ABLIM1: variants seen among roughly 807,000 people sequenced by gnomAD.
ABLIM1 encodes actin-binding LIM protein 1.
A neutral mutation model predicts 107.0 loss-of-function variants in ABLIM1; 40 were observed. The observed-to-expected ratio is 0.37, with a 90% CI of 0.29 to 0.49. The LOEUF is 0.49. ABLIM1 is among the 20% of genes least tolerant of loss of function. ABLIM1 has a pLI of 0.97. For missense variants in ABLIM1, 857 were observed against 1,008.5 expected (o/e 0.85, Z 2.04); for synonymous variants, 357 against 357.3 (o/e 1.00, Z 0.01).
At chr10:114,465,116 A>G (rs1186681251) in intron 12 of ABLIM1, among the ~76,000 whole-genome samples, 1 of 152,160 alleles carries the variant, frequency 6.6e-6, no homozygotes, top group Non-Finnish European at 1.5e-5. Flanking sequence ...AGGGTTGGAA[A>G]TGATTTTGTT....
At chr10:114,611,275 T>C (rs2076793377) in intron 1 of ABLIM1, among the ~76,000 whole-genome samples, 1 of 152,174 alleles carries the variant, frequency 6.6e-6, no homozygotes, top group Admixed American at 6.5e-5. Context: ...GAGAACAGCC[T>C]GGCCAACATG....
At chr10:114,723,106 A>G (rs1309297710) in intron 1 of ABLIM1, among the ~76,000 whole-genome samples, 3 of 152,222 alleles carry the variant, frequency 2.0e-5, no homozygotes, top group Non-Finnish European at 4.4e-5. Context: ...ATATCCACTG[A>G]ATAAATGAAT....
chr10:114,720,098 C>T (rs750817695), intron 1 of ABLIM1, among the ~76,000 whole-genome samples: 2 of 152,116 alleles, frequency 1.3e-5, no homozygotes, highest in South Asian at 2.1e-4. Flanking sequence ...TTTTCAGCTC[C>T]CATTTATAAG....
At chr10:114,455,973 C>T (rs956567555) in intron 12 of ABLIM1, among the ~76,000 whole-genome samples, 37 of 152,260 alleles carry the variant, frequency 2.4e-4, no homozygotes, top group Middle Eastern at 3.4e-3. Context: ...CCACCGCGCC[C>T]GGCTAATTTT....
At chr10:114,671,419 T>A (rs538566508) in intron 1 of ABLIM1, among the ~76,000 whole-genome samples, 26 of 152,350 alleles carry the variant, frequency 1.7e-4, no homozygotes, top group South Asian at 6.2e-4. Flanking sequence ...TGTCCATTGG[T>A]GGACATTCAT....
intron 1 of ABLIM1, among the ~76,000 whole-genome samples, chr10:114,729,582 A>T: frequency 6.6e-6 from 1 of 152,140 alleles, no homozygotes; most frequent in East Asian, 1.9e-4. Context: ...GACATAGGAA[A>T]CTGTGTGGCT....
chr10:114,632,623 G>C, intron 1 of ABLIM1: 1 of 985,416 alleles, frequency 1.0e-6, no homozygotes. Context: ...GGAAGGTAGA[G>C]ACTGAGAGAC....
chr10:114,549,432 C>T (rs1023518114), intron 4 of ABLIM1, among the ~76,000 whole-genome samples: 27 of 152,024 alleles, frequency 1.8e-4, no homozygotes, highest in African/African-American at 6.5e-4. Flanking sequence ...AGCATAAGCC[C>T]AAATGCTGTG....
At chr10:114,479,066 T>G (rs915633160) in intron 8 of ABLIM1, among the ~76,000 whole-genome samples, 3 of 151,996 alleles carry the variant, frequency 2.0e-5, no homozygotes, top group Non-Finnish European at 4.4e-5. Context: ...GTTACATGAG[T>G]TTTTCTTTTT....
At position 114,437,885 on chromosome 10, in the gene ABLIM1, G is replaced by A; in HGVS notation, c.2182C>T (p.Arg728Ter). 3.1e-6 allele frequency: 5 copies of A among 1,613,786 alleles called. No homozygotes were observed. The highest frequency in any genetic ancestry group is 2.2e-5 in the East Asian group (1 of 44,864). Reference protein sequence around the residue: ...YEMLMVTNRGRNKILREVDRT... With the variant: ...YEMLMVTNRG ...TCCACCTCTCTGAGGATTTTGTTTCGCCCTCTGTTGGTCACCATGAGCATT... is the reference window on the plus strand; with the variant it reads ...TCCACCTCTCTGAGGATTTTGTTTCACCCTCTGTTGGTCACCATGAGCATT... Residue 728 changes from arginine (R) to a stop codon, truncating the protein, a stop_gained, in exon 22 of 23, where the codon CGA becomes TGA. Transcript: ENST00000533213. LOFTEE classifies it high-confidence loss of function.
intron 1 of ABLIM1, among the ~76,000 whole-genome samples, chr10:114,633,032 G>A (rs548118910): frequency 9.8e-4 from 149 of 152,230 alleles, no homozygotes; most frequent in Non-Finnish European, 1.8e-3. Context: ...CCAGCTTACC[G>A]GGTCCCGACC....
chr10:114,447,928 T>C lies in ABLIM1; in HGVS notation c.1687A>G (p.Lys563Glu), dbSNP rs34542287. 7.8e-3 allele frequency: 12,596 copies of C among 1,614,098 alleles called. 297 individuals are homozygous for C. The African/African-American group carries it at 0.078, about 10-fold the overall frequency. Residue 563 changes from lysine to glutamate, a missense_variant, in exon 15 of 23, where the codon AAG (lysine) becomes GAG (glutamate). Lys to Glu is a moderately conservative substitution (Grantham distance 56). Around this residue, in one of 5 missense-constraint regions of ABLIM1, gnomAD observed 103 missense variants for 101.0 expected, o/e 1.02. Transcript: ENST00000533213. Reference sequence around the variant, plus strand: ...CCAGGCCAGTGGTCCGTCTCAATCTTTGGTGTCTCGCTGGGGTCTGGTGCC... The same window carrying C: ...CCAGGCCAGTGGTCCGTCTCAATCTCTGGTGTCTCGCTGGGGTCTGGTGCC... ...AQAPDPSETP[K>E]IETDHWPGPP...
chr10:114,726,378 A>C (rs1483200791), intron 1 of ABLIM1, among the ~76,000 whole-genome samples: 3 of 152,306 alleles, frequency 2.0e-5, no homozygotes, highest in Non-Finnish European at 4.4e-5. Context: ...TACAGGAAGC[A>C]TAGCGGCATC....
intron 1 of ABLIM1, among the ~76,000 whole-genome samples, chr10:114,759,189 T>C (rs1174839850): frequency 6.6e-6 from 1 of 152,202 alleles, no homozygotes; most frequent in African/African-American, 2.4e-5. Context: ...AAACTAATTT[T>C]TTAACGGGCA....
At chr10:114,601,603 G>C (rs934471712) in intron 2 of ABLIM1, 1 of 663,572 alleles carries the variant, frequency 1.5e-6, no homozygotes, top group Non-Finnish European at 2.7e-6. Flanking sequence ...CAGGAGAAGG[G>C]GCCTCAGTGA....
intron 1 of ABLIM1, among the ~76,000 whole-genome samples, chr10:114,760,982 A>G (rs2082732662): frequency 6.6e-6 from 1 of 152,240 alleles, no homozygotes; most frequent in African/African-American, 2.4e-5. Flanking sequence ...CCTTGATTTA[A>G]TAAACTGCTT....
chr10:114,790,406 A>G, the ABLIM1 span, among the ~76,000 whole-genome samples: 5 of 151,884 alleles, frequency 3.3e-5, no homozygotes. Context: ...TGGAAATTGT[A>G]TTTCCTGTTT....
intron 1 of ABLIM1, among the ~76,000 whole-genome samples, chr10:114,744,830 A>G (rs1232369623): frequency 6.6e-6 from 1 of 152,054 alleles, no homozygotes; most frequent in Non-Finnish European, 1.5e-5. Context: ...CAAATTCCCA[A>G]TTGAAAGCTC....
intron 4 of ABLIM1, among the ~76,000 whole-genome samples, chr10:114,555,708 A>G (rs893284856): frequency 4.6e-5 from 7 of 152,336 alleles, no homozygotes; most frequent in African/African-American, 1.7e-4. Context: ...GTCCAGAGGG[A>G]TTTTAAGACA....
Sources: allele counts gnomAD v4.1 joint callset (sites outside exome capture counted in the v4.1 genomes callset), GRCh38; gene constraint gnomAD v4.1.1; regional missense constraint gnomAD v4.1.1; transcripts MANE v1.5; gene names NCBI Gene and HGNC (gene_info 2026-07-23, HGNC 2026-07-21).